The following DPP10 variants were observed in gnomAD, a reference collection of about 807,000 sequenced individuals.
DPP10 encodes the protein inactive dipeptidyl peptidase 10.
DPP10 carries 33 observed loss-of-function variants against 120.9 expected under a neutral mutation model. The observed-to-expected ratio is 0.27, with a 90% CI of 0.21 to 0.37. DPP10 has a LOEUF of 0.37. DPP10 is among the 10% of genes least tolerant of loss of function. DPP10 has a pLI of 1.00. For synonymous variants in DPP10, 337 were observed against 326.1 expected, an observed-to-expected ratio of 1.03 and a Z score of -0.36; for missense variants, 816 against 942.8, an observed-to-expected ratio of 0.87 and a Z score of 1.76.
chr2:114,971,316 TACC>T (rs1699379647), intron 1 of DPP10, among the ~76,000 whole-genome samples: 1 of 152,220 alleles, frequency 6.6e-6, no homozygotes, highest in Non-Finnish European at 1.5e-5. Flanking sequence ...TAAATCGATT[TACC>T]TCTTGTCTTG....
chr2:114,759,337 G>A (rs1680073643), intron 1 of DPP10, among the ~76,000 whole-genome samples: 2 of 152,160 alleles, frequency 1.3e-5, no homozygotes, highest in Non-Finnish European at 2.9e-5. Flanking sequence ...GTATCAGTTG[G>A]CATCATTCAT....
intron 1 of DPP10, among the ~76,000 whole-genome samples, chr2:115,124,379 T>C (rs1239711363): frequency 1.3e-5 from 2 of 152,238 alleles, no homozygotes; most frequent in Non-Finnish European, 2.9e-5. Flanking sequence ...ATCTTTGCTA[T>C]TCACTGTCTC....
At chr2:115,626,420 T>C (rs1271578829) in intron 5 of DPP10, among the ~76,000 whole-genome samples, 4 of 152,196 alleles carry the variant, frequency 2.6e-5, no homozygotes, top group Non-Finnish European at 5.9e-5. Flanking sequence ...ACATTATTCC[T>C]AAAAAACTCC....
intron 1 of DPP10, among the ~76,000 whole-genome samples, chr2:114,495,597 T>C (rs1463905686): frequency 2.0e-5 from 3 of 152,210 alleles, no homozygotes; most frequent in Non-Finnish European, 4.4e-5. Flanking sequence ...AAGAATGTTC[T>C]TTTATAAGAC....
chr2:114,897,219 C>T (rs1431591441), intron 1 of DPP10, among the ~76,000 whole-genome samples: 2 of 152,080 alleles, frequency 1.3e-5, no homozygotes, highest in Non-Finnish European at 2.9e-5. Flanking sequence ...TGTCTCTGCC[C>T]AGCTTTGGTA....
chr2:115,330,471 G>T (rs2062653732), intron 2 of DPP10, among the ~76,000 whole-genome samples: 1 of 151,736 alleles, frequency 6.6e-6, no homozygotes, highest in Non-Finnish European at 1.5e-5. Flanking sequence ...GGCTTTTGTT[G>T]CCATTGCTTT....
intron 5 of DPP10, among the ~76,000 whole-genome samples, chr2:115,566,607 T>C (rs61582720): frequency 0.022 from 3,365 of 152,236 alleles, 119 homozygotes; most frequent in African/African-American, 0.076. Flanking sequence ...TCTAGGAACA[T>C]TGTCTTATTT....
At chr2:114,745,641 A>T (rs1678506953) in intron 1 of DPP10, among the ~76,000 whole-genome samples, 1 of 152,242 alleles carries the variant, frequency 6.6e-6, no homozygotes, top group African/African-American at 2.4e-5. Flanking sequence ...AGGAGAAGTA[A>T]TGTGATAATT....
At chr2:114,927,423 A>G (rs191123487) in intron 1 of DPP10, among the ~76,000 whole-genome samples, 121 of 152,286 alleles carry the variant, frequency 7.9e-4, no homozygotes, top group Admixed American at 2.4e-3. Flanking sequence ...ACATCAATCA[A>G]TATATGTAAG....
chr2:114,857,561 C>T (rs1376719344), intron 1 of DPP10, among the ~76,000 whole-genome samples: 1 of 152,136 alleles, frequency 6.6e-6, no homozygotes, highest in Non-Finnish European at 1.5e-5. Flanking sequence ...GTTCACTTCC[C>T]TTGCTTCCTC....
chr2:114,830,529 T>TA (rs1687005091), intron 1 of DPP10, among the ~76,000 whole-genome samples: 1 of 152,192 alleles, frequency 6.6e-6, no homozygotes, highest in Admixed American at 6.5e-5. Context: ...ATACACAACT[T>TA]ACATGTACGT....
At chr2:114,513,593 G>A (rs2104597803) in intron 1 of DPP10, among the ~76,000 whole-genome samples, 1 of 145,634 alleles carries the variant, frequency 6.9e-6, no homozygotes, top group Non-Finnish European at 1.5e-5. Context: ...TGAGGCTTTA[G>A]AAAAACAGAA....
intron 1 of DPP10, among the ~76,000 whole-genome samples, chr2:115,086,051 T>C (rs1354316950): frequency 1.3e-5 from 2 of 152,230 alleles, no homozygotes. Context: ...AAACATGTTT[T>C]TCTGCCATGT....
chr2:115,727,121 C>G (rs780548973), intron 7 of DPP10, among the ~76,000 whole-genome samples: 1 of 151,996 alleles, frequency 6.6e-6, no homozygotes, highest in African/African-American at 2.4e-5. Context: ...TAGTTTGCAC[C>G]ATTGTTCCTG....
At chr2:115,103,926 G>T (rs992880101) in intron 1 of DPP10, among the ~76,000 whole-genome samples, 3 of 152,040 alleles carry the variant, frequency 2.0e-5, no homozygotes, top group African/African-American at 4.8e-5. Context: ...TTTAATATTT[G>T]CATATACTGT....
intron 1 of DPP10, among the ~76,000 whole-genome samples, chr2:115,182,628 C>T (rs752610106): frequency 3.9e-5 from 6 of 152,120 alleles, no homozygotes; most frequent in South Asian, 2.1e-4. Flanking sequence ...AGGACTTTAA[C>T]GCAAAGTGTA....
intron 1 of DPP10, among the ~76,000 whole-genome samples, chr2:114,635,838 T>C: frequency 6.6e-6 from 1 of 151,980 alleles, no homozygotes; most frequent in East Asian, 1.9e-4. Flanking sequence ...AAATCTCATA[T>C]GTTAGCATAA....
At chr2:115,238,685 G>T (rs1401525404) in intron 1 of DPP10, among the ~76,000 whole-genome samples, 1 of 152,104 alleles carries the variant, frequency 6.6e-6, no homozygotes, top group African/African-American at 2.4e-5. Context: ...TCTTATGGAT[G>T]AGCAAAGATG....
At chr2:114,733,099 C>T (rs1387573518) in intron 1 of DPP10, among the ~76,000 whole-genome samples, 1 of 152,130 alleles carries the variant, frequency 6.6e-6, no homozygotes, top group South Asian at 2.1e-4. Flanking sequence ...CAGGTCTTGA[C>T]GACTGCTTGG....
Sources: allele counts gnomAD v4.1 joint callset (sites outside exome capture counted in the v4.1 genomes callset), GRCh38; gene constraint gnomAD v4.1.1; transcripts MANE v1.5; gene names NCBI Gene and HGNC (gene_info 2026-07-23, HGNC 2026-07-21).